Variants in NRXN1 observed in about 807,000 individuals in gnomAD.
NRXN1 encodes neurexin-1.
NRXN1 carries 39 observed loss-of-function variants against 150.9 expected under a neutral mutation model. That is an observed-to-expected ratio of 0.26 (90% CI 0.20 to 0.34). NRXN1 has a LOEUF of 0.34. Ranked by LOEUF, NRXN1 falls within the 10% of genes least tolerant of loss-of-function variation. The pLI is 1.00. For synonymous variants in NRXN1, 924 were observed against 757.0 expected (o/e 1.22, Z -3.62); for missense variants, 1,815 against 1,949.9 (o/e 0.93, Z 1.30).
intron 5 of NRXN1, among the ~76,000 whole-genome samples, chr2:50,711,544 C>T (rs1695159972): frequency 6.6e-6 from 1 of 151,888 alleles, no homozygotes; most frequent in Non-Finnish European, 1.5e-5. Context: ...TCATATTGGT[C>T]AGGGTGGTCT....
chr2:50,786,135 T>C (rs1239934059), intron 5 of NRXN1, among the ~76,000 whole-genome samples: 2 of 152,080 alleles, frequency 1.3e-5, no homozygotes, highest in African/African-American at 4.8e-5. Context: ...ATCCAAGATT[T>C]TATTTAAAAA....
chr2:50,036,349 C>G (rs556905865), intron 21 of NRXN1, among the ~76,000 whole-genome samples: 78 of 152,192 alleles, frequency 5.1e-4, no homozygotes, highest in African/African-American at 1.9e-3. Flanking sequence ...TGTAAGTTTC[C>G]TGAGGCCTCT....
intron 12 of NRXN1, among the ~76,000 whole-genome samples, chr2:50,516,788 C>G (rs2105087878): frequency 6.6e-6 from 1 of 152,118 alleles, no homozygotes; most frequent in South Asian, 2.1e-4. Flanking sequence ...AGATAGAGTC[C>G]TAAGGACAGA....
intron 5 of NRXN1, among the ~76,000 whole-genome samples, chr2:50,646,708 C>CT (rs552231598): frequency 0.27 from 28,934 of 107,490 alleles, 4,025 homozygotes; most frequent in Admixed American, 0.31. Flanking sequence ...TTCATGTTGT[C>CT]TTTTTTTTTT....
intron 8 of NRXN1, among the ~76,000 whole-genome samples, chr2:50,569,056 T>C (rs1423626309): frequency 6.6e-6 from 1 of 152,048 alleles, no homozygotes; most frequent in East Asian, 1.9e-4. Flanking sequence ...AAGGCAAACG[T>C]TGCATGTTTT....
chr2:50,435,221 AC>A (rs1386448346), intron 17 of NRXN1, among the ~76,000 whole-genome samples: 1 of 152,178 alleles, frequency 6.6e-6, no homozygotes, highest in Non-Finnish European at 1.5e-5. Flanking sequence ...TCTGCCACTC[AC>A]CATCTGTGTT....
At chr2:50,062,123 C>G (rs1694637620) in intron 19 of NRXN1, among the ~76,000 whole-genome samples, 2 of 152,156 alleles carry the variant, frequency 1.3e-5, no homozygotes, top group South Asian at 4.1e-4. Context: ...TGTATACCCT[C>G]TATTTTGATT....
chr2:50,504,527 T>A (rs1022424091), intron 13 of NRXN1, among the ~76,000 whole-genome samples: 1 of 152,136 alleles, frequency 6.6e-6, no homozygotes, highest in African/African-American at 2.4e-5. Flanking sequence ...TTTTGGAACT[T>A]TTTATAAATT....
intron 17 of NRXN1, among the ~76,000 whole-genome samples, chr2:50,322,299 T>C (rs1459784116): frequency 6.6e-6 from 1 of 152,166 alleles, no homozygotes; most frequent in Non-Finnish European, 1.5e-5. Flanking sequence ...AACCTCCAAA[T>C]ACTTCGTGAT....
intron 17 of NRXN1, among the ~76,000 whole-genome samples, chr2:50,301,248 A>T (rs2074123082): frequency 1.3e-5 from 2 of 152,226 alleles, no homozygotes; most frequent in Middle Eastern, 3.2e-3. Context: ...ACCATGTGCC[A>T]GGCAGTGTCC....
intron 18 of NRXN1, among the ~76,000 whole-genome samples, chr2:50,186,868 T>G (rs953557455): frequency 4.6e-5 from 7 of 152,116 alleles, no homozygotes; most frequent in Non-Finnish European, 8.8e-5. Context: ...CCCAAATTAT[T>G]TAGAATATGA....
chr2:50,845,968 T>G (rs1015010778), intron 5 of NRXN1, among the ~76,000 whole-genome samples: 1 of 152,238 alleles, frequency 6.6e-6, no homozygotes, highest in Non-Finnish European at 1.5e-5. Context: ...CAACTGCTAA[T>G]AGCACATTTC....
intron 20 of NRXN1, among the ~76,000 whole-genome samples, chr2:50,054,494 T>A (rs939615174): frequency 1.3e-5 from 2 of 152,168 alleles, no homozygotes; most frequent in African/African-American, 4.8e-5. Context: ...GGGACTTCAT[T>A]ATGACTGGCA....
intron 17 of NRXN1, among the ~76,000 whole-genome samples, chr2:50,352,738 G>A (rs1157290635): frequency 2.1e-5 from 3 of 144,758 alleles, no homozygotes; most frequent in East Asian, 2.1e-4. Context: ...ATCAGAAAAT[G>A]AGAGTAAGAG....
intron 22 of NRXN1, among the ~76,000 whole-genome samples, chr2:49,931,544 G>A (rs1304066273): frequency 1.3e-5 from 2 of 151,906 alleles, no homozygotes; most frequent in Non-Finnish European, 2.9e-5. Context: ...AGTAGTTGTA[G>A]AAATTTCTAG....
intron 21 of NRXN1, among the ~76,000 whole-genome samples, chr2:49,976,951 T>C (rs964598885): frequency 6.6e-6 from 1 of 152,228 alleles, no homozygotes; most frequent in Admixed American, 6.5e-5. Context: ...TGAATTTCAA[T>C]TTAGGGTATT....
rs748323995 is a variant in NRXN1, at chr2:50,552,652, G to A, written c.1694C>T (p.Ala565Val). ...DMGSGTIKIK[A>V]LLKKVNDGEW... ...TCCATCATTCACTTTCTTCAACAGGGCTTTTATTTTTATAGTACCTGACCC... is the reference window on the plus strand; with the variant it reads ...TCCATCATTCACTTTCTTCAACAGGACTTTTATTTTTATAGTACCTGACCC... Residue 565 changes from alanine (A) to valine (V), a missense_variant, in exon 9 of 23, where the codon GCC becomes GTC. By Grantham distance (64) the Ala-to-Val change is moderately conservative. Coordinates refer to ENST00000401669, the MANE Select transcript of NRXN1 (RefSeq NM_001330078.2). The A allele has an allele frequency of 6.2e-7, 1 of 1,613,790 alleles. No individual in the cohort carries two copies. Among genetic ancestry groups the A allele is most frequent in the South Asian group, 1.1e-5 (1 of 91,076 alleles).
intron 18 of NRXN1, among the ~76,000 whole-genome samples, chr2:50,104,427 C>G (rs1381935846): frequency 6.6e-6 from 1 of 151,920 alleles, no homozygotes; most frequent in Non-Finnish European, 1.5e-5. Flanking sequence ...AGAGATTAAT[C>G]AGAAACATCA....
chr2:50,411,764 T>A (rs2083198833), intron 17 of NRXN1, among the ~76,000 whole-genome samples: 1 of 151,950 alleles, frequency 6.6e-6, no homozygotes, highest in Non-Finnish European at 1.5e-5. Flanking sequence ...GGCCGCCCCA[T>A]CTGGGAAGTG....
Sources: gnomAD v4.1 joint callset for allele counts (sites outside exome capture counted in the v4.1 genomes callset) on GRCh38, gnomAD v4.1.1 for gene constraint, MANE v1.5 for transcripts, NCBI Gene and HGNC (gene_info 2026-07-23, HGNC 2026-07-21) for gene names.